The following SLC39A8 variants were observed in gnomAD, a reference collection of about 807,000 sequenced individuals.
SLC39A8 encodes metal cation symporter ZIP8.
A neutral mutation model predicts 40.4 loss-of-function variants in SLC39A8; 15 were observed. That is an observed-to-expected ratio of 0.37 (90% CI 0.25 to 0.57). The LOEUF (loss-of-function observed/expected upper bound fraction) is 0.57. SLC39A8 is among the 20% of genes least tolerant of loss of function. The probability of loss-of-function intolerance (pLI) is 0.75; values close to 1 mark genes in which losing one functional copy is unlikely to be tolerated. For synonymous variants in SLC39A8, 223 were observed against 221.6 expected, an observed-to-expected ratio of 1.01 and a Z score of -0.06; for missense variants, 472 against 558.8, an observed-to-expected ratio of 0.84 and a Z score of 1.57.
chr4:102,262,412 C>G lies in SLC39A8; in HGVS notation c.*632G>C. The G allele has an allele frequency of 2.0e-6, 2 of 985,448 alleles. No individual in the cohort carries two copies. Among genetic ancestry groups the G allele is most frequent in the Non-Finnish European group, 2.4e-6 (2 of 829,896 alleles). 61.0% of individuals were successfully genotyped at this position (985,448 alleles called of 1,614,324 possible). On this transcript the variant is annotated 3_prime_UTR_variant, in exon 9 of 9. Coordinates refer to ENST00000356736, the MANE Select transcript of SLC39A8 (RefSeq NM_001135146.2). ...GCCTCTAAGCCTGAACTTAGCAGGG[C>G]TAGCAAAACTTTATTTATTTCCTAA...
chr4:102,341,207 G>A (rs1735926202), intron 2 of SLC39A8, among the ~76,000 whole-genome samples: 1 of 151,972 alleles, frequency 6.6e-6, no homozygotes, highest in African/African-American at 2.4e-5. Context: ...TACAGGAGAT[G>A]GGCTGCAAGA....
intron 6 of SLC39A8, among the ~76,000 whole-genome samples, chr4:102,298,263 A>G (rs901967077): frequency 7.9e-5 from 12 of 152,008 alleles, no homozygotes; most frequent in Non-Finnish European, 1.6e-4. Flanking sequence ...TCAGGTACCA[A>G]TTTTCATGAC....
chr4:102,337,260 A>G (rs531387804), intron 2 of SLC39A8, among the ~76,000 whole-genome samples: 1 of 152,074 alleles, frequency 6.6e-6, no homozygotes, highest in Non-Finnish European at 1.5e-5. Flanking sequence ...AATCAAAAGT[A>G]TATTAAATTT....
chr4:102,342,466 C>A (rs1735984872), intron 2 of SLC39A8, among the ~76,000 whole-genome samples: 1 of 152,048 alleles, frequency 6.6e-6, no homozygotes, highest in South Asian at 2.1e-4. Flanking sequence ...CCATTGCACT[C>A]CAGCCTGAGC....
intron 2 of SLC39A8, among the ~76,000 whole-genome samples, chr4:102,330,014 T>C (rs775997445): frequency 5.3e-5 from 8 of 152,300 alleles, no homozygotes; most frequent in Non-Finnish European, 1.0e-4. Flanking sequence ...GGGACACAGC[T>C]AAAGCAGTGT....
At chr4:102,330,292 G>A (rs1735394361) in intron 2 of SLC39A8, among the ~76,000 whole-genome samples, 1 of 151,928 alleles carries the variant, frequency 6.6e-6, no homozygotes, top group African/African-American at 2.4e-5. Flanking sequence ...AAATAAAGAA[G>A]AAAAGAGAGA....
rs1419689224 is a variant in SLC39A8 at position 102,305,002 on chromosome 4, T to C, written c.662A>G (p.Lys221Arg). 1.9e-6 allele frequency: 3 copies of C among 1,605,130 alleles called. No individual in the cohort carries two copies. Among genetic ancestry groups the C allele is most frequent in the Non-Finnish European group, 2.6e-6 (3 of 1,173,792 alleles). ...FFERMLKMLL[K>R]TYGQNGHTHF... ...AAGTCCATTTACCTGACCATATGTC[T>C]TTAATAACATCTTTAGCATTCTTTC... is the stretch of plus-strand genomic sequence containing the variant. Residue 221 changes from lysine to arginine, a missense_variant, in exon 5 of 9, where the codon AAG (lysine) becomes AGG (arginine). Around this residue, in one of 4 missense-constraint regions of SLC39A8, gnomAD observed 239 missense variants for 317.9 expected, o/e 0.75. Transcript: ENST00000356736.
chr4:102,330,459 A>G (rs981967704), intron 2 of SLC39A8, among the ~76,000 whole-genome samples: 1 of 152,230 alleles, frequency 6.6e-6, no homozygotes, highest in African/African-American at 2.4e-5. Context: ...ACACCCTCCC[A>G]GGACTAAACC....
intron 2 of SLC39A8, among the ~76,000 whole-genome samples, chr4:102,320,883 C>T (rs567495935): frequency 6.6e-6 from 1 of 151,412 alleles, no homozygotes; most frequent in East Asian, 1.9e-4. Flanking sequence ...GTTTTTACCA[C>T]TTCGACTGCT....
chr4:102,288,246 G>T (rs961003932), intron 6 of SLC39A8, among the ~76,000 whole-genome samples: 2 of 152,016 alleles, frequency 1.3e-5, no homozygotes, highest in Admixed American at 6.6e-5. Flanking sequence ...CTATTATGGT[G>T]ATCTGTAATC....
rs71813938 is a variant in SLC39A8, at chr4:102,267,676, T to TAGAAGA, written c.1049-8_1049-3dup. ...CATTGAGTAGGATCACAAAGTCTCC[T>TAGAAGA]AGAAGAAGAAGAAGAAAATATCAAG... On this transcript the variant is annotated splice_region_variant and splice_polypyrimidine_tract_variant and intron_variant, in intron 7 of 8. Coordinates refer to ENST00000356736, the MANE Select transcript of SLC39A8 (RefSeq NM_001135146.2). The TAGAAGA allele has an allele frequency of 2.5e-6, 4 of 1,568,888 alleles. No individual in the cohort carries two copies. The African/African-American group carries it at 5.6e-5, about 22-fold the overall frequency.
At chr4:102,342,867 G>A (rs1356292473) in intron 2 of SLC39A8, among the ~76,000 whole-genome samples, 1 of 152,136 alleles carries the variant, frequency 6.6e-6, no homozygotes, top group Non-Finnish European at 1.5e-5. Flanking sequence ...AGATAAGGAG[G>A]TCATGCAAGT....
intron 6 of SLC39A8, among the ~76,000 whole-genome samples, chr4:102,296,683 C>T (rs1733690713): frequency 6.6e-6 from 1 of 152,056 alleles, no homozygotes; most frequent in African/African-American, 2.4e-5. Flanking sequence ...TGTGTAATTC[C>T]AAAGCCTATG....
chr4:102,277,016 AC>A (rs1357066802), intron 6 of SLC39A8, among the ~76,000 whole-genome samples: 1 of 152,178 alleles, frequency 6.6e-6, no homozygotes, highest in Non-Finnish European at 1.5e-5. Flanking sequence ...TTTATGACAA[AC>A]CCACAGCCCA....
chr4:102,316,950 C>T (rs1030973125), intron 2 of SLC39A8, among the ~76,000 whole-genome samples: 1 of 152,194 alleles, frequency 6.6e-6, no homozygotes, highest in African/African-American at 2.4e-5. Flanking sequence ...TATGAGGAAG[C>T]GAGAAAATGC....
Position 102,304,417 on chromosome 4 carries a change from G to C in SLC39A8, c.740C>G (p.Ala247Gly), listed in dbSNP as rs1245390493. 6.2e-7 allele frequency: 1 copy of C among 1,611,644 alleles called. No homozygotes were observed. The highest frequency in any genetic ancestry group is 1.1e-5 in the South Asian group (1 of 90,990). ...GPQEKTHQPK[A>G]LPAINGVTCY... ...TGTCACACCATTGATGGCAGGTAAT[G>C]CTTTAGGTTGATGAGTTTTTTCTTG... The change falls in exon 6 of 9, where the codon GCA becomes GGA. Residue 247 changes from alanine (A) to glycine (G), a missense_variant. Ala to Gly is a moderately conservative substitution (Grantham distance 60, BLOSUM62 0). Transcript: ENST00000356736.
chr4:102,334,036 G>A (rs1435960737), intron 2 of SLC39A8, among the ~76,000 whole-genome samples: 1 of 152,274 alleles, frequency 6.6e-6, no homozygotes, highest in African/African-American at 2.4e-5. Flanking sequence ...TAACAATAAG[G>A]TGGTTCCATG....
chr4:102,328,656 C>A (rs542825700), intron 2 of SLC39A8, among the ~76,000 whole-genome samples: 4 of 152,146 alleles, frequency 2.6e-5, no homozygotes, highest in Admixed American at 2.0e-4. Flanking sequence ...ATGGGCATAG[C>A]GGAGGCTTTC....
At chr4:102,282,725 T>A (rs1732954386) in intron 6 of SLC39A8, among the ~76,000 whole-genome samples, 2 of 151,920 alleles carry the variant, frequency 1.3e-5, no homozygotes, top group South Asian at 4.2e-4. Flanking sequence ...CAGTTTTTTG[T>A]TTGTTTGTTT....
Sources: allele counts gnomAD v4.1 joint callset (sites outside exome capture counted in the v4.1 genomes callset), GRCh38; gene constraint gnomAD v4.1.1; regional missense constraint gnomAD v4.1.1; transcripts MANE v1.5; gene names NCBI Gene and HGNC (gene_info 2026-07-23, HGNC 2026-07-21).